KDM7A: variants seen among roughly 807,000 people sequenced by gnomAD.
The protein encoded by KDM7A is lysine-specific demethylase 7A.
Under a neutral mutation model 114.8 loss-of-function variants are expected in KDM7A, and 28 were observed. The observed-to-expected ratio is 0.24, with a 90% CI of 0.18 to 0.33. KDM7A has a LOEUF of 0.33. Among genes scored for constraint, KDM7A ranks in the 10% least tolerant of loss-of-function variants. The probability of loss-of-function intolerance (pLI) is 1.00; values close to 1 mark genes in which losing one functional copy is unlikely to be tolerated. For missense variants in KDM7A, 942 were observed against 1,142.5 expected, an observed-to-expected ratio of 0.82 and a Z score of 2.53; for synonymous variants, 423 against 397.8, an observed-to-expected ratio of 1.06 and a Z score of -0.75.
At position 140,176,548 on chromosome 7, in the gene KDM7A, T is replaced by C. The variant is rs1794711267; in HGVS notation, c.194+196A>G. The stretch of plus-strand genomic sequence containing the variant: ...GCCCGGGCCAGGCGAGCCCACCGGC[T>C]CCCCTCTGGAGCCCGCCCGGCGAAC... On this transcript the variant is annotated intron_variant, in intron 1 of 19. Transcript: ENST00000397560. The surrounding 1 kb of genome is among the most constrained non-coding windows in gnomAD (Gnocchi z 4.4). Among the ~76,000 whole-genome samples, 1 of 146,042 alleles carries C rather than the reference T, an allele frequency of 6.8e-6. No homozygotes were observed. Among genetic ancestry groups the C allele is most frequent in the African/African-American group, 2.5e-5 (1 of 40,566 alleles).
chr7:140,136,496 TTG>T (rs1468649245), intron 2 of KDM7A, among the ~76,000 whole-genome samples: 2 of 152,162 alleles, frequency 1.3e-5, no homozygotes, highest in Non-Finnish European at 2.9e-5. Context: ...GGAGAAAATT[TTG>T]TGTTTGGATT....
In KDM7A at chr7:140,100,687, T is replaced by TATATATATATATATACAC. The variant is rs1562945948; in HGVS notation, c.1639-665_1639-664insGTGTATATATATATATAT. Among the ~76,000 whole-genome samples the TATATATATATATATACAC allele has an allele frequency of 1.5e-4, 6 of 40,918 alleles. 1 individual carries two copies. The highest frequency in any genetic ancestry group is 2.2e-4 in the Non-Finnish European group (5 of 23,252). 26.8% of individuals were successfully genotyped at this position (40,918 alleles called of 152,430 possible). A position where few individuals can be genotyped will look rare whatever the true frequency, so the allele number is the denominator to read the frequency against. On this transcript the variant is annotated intron_variant, in intron 12 of 19. Coordinates refer to ENST00000397560, the MANE Select transcript of KDM7A (RefSeq NM_030647.2). ...ATATATATATATATATATACATATA[T>TATATATATATATATACAC]ACATATATATATATATATATACACA...
intron 16 of KDM7A, 34 bp from the exon 17 acceptor site, chr7:140,096,797 T>C (rs1431453620): frequency 6.3e-7 from 1 of 1,597,228 alleles, no homozygotes; most frequent in Non-Finnish European, 8.6e-7. Context: ...CACAAGAGTC[T>C]ATTTTTTCTG....
rs1453234867 is a variant in KDM7A at position 140,087,270 on chromosome 7, C to G, written c.*3824G>C. ...CTGAATCTGTGGGGATGGTACTTTC[C>G]TAATTCTTCAAGAAAAACCTAAAGC... On this transcript the variant is annotated 3_prime_UTR_variant, in exon 20 of 20. Coordinates refer to ENST00000397560, the MANE Select transcript of KDM7A (RefSeq NM_030647.2). 1 of 152,138 alleles carries G rather than the reference C, an allele frequency of 6.6e-6. No homozygotes were observed. The highest frequency in any genetic ancestry group is 1.5e-5 in the Non-Finnish European group (1 of 68,022). The allele number at this position is 152,138 out of a possible 1,614,324, so 9.4% of individuals were successfully genotyped here.
chr7:140,092,148 T>C (rs1431236405), intron 18 of KDM7A, 71 bp from the exon 19 acceptor site: 16 of 1,425,256 alleles, frequency 1.1e-5, no homozygotes, highest in Non-Finnish European at 1.6e-5. Flanking sequence ...CTCTATGCAT[T>C]GGCAAAGTCA....
At position 140,176,134 on chromosome 7, in the gene KDM7A, C is replaced by T. The variant is rs1794703423; in HGVS notation, c.194+610G>A. Among the ~76,000 whole-genome samples, 1 of 151,908 alleles carries T rather than the reference C, an allele frequency of 6.6e-6. No individual in the cohort carries two copies. The highest frequency in any genetic ancestry group is 2.1e-4 in the South Asian group (1 of 4,832). ...GTTTACTCCGCGGAGCCCCGCCGAG[C>T]TGGCTGGCGCGGTCGCCTCTCCGGC... On this transcript the variant is annotated intron_variant, in intron 1 of 19. Transcript: ENST00000397560. The surrounding 1 kb of genome is among the most constrained non-coding windows in gnomAD (Gnocchi z 4.4).
chr7:140,161,676 C>G (rs1794520941), intron 1 of KDM7A, among the ~76,000 whole-genome samples: 1 of 151,964 alleles, frequency 6.6e-6, no homozygotes, highest in African/African-American at 2.4e-5. Flanking sequence ...TCCCGAGCAG[C>G]TGGGGCTACA....
At chr7:140,115,112 C>T (rs916493315) in intron 9 of KDM7A, among the ~76,000 whole-genome samples, 8 of 151,928 alleles carry the variant, frequency 5.3e-5, no homozygotes, top group East Asian at 3.9e-4. Context: ...CCAGCCACCC[C>T]GTCTGGGAGG....
chr7:140,110,308 AAATC>A (rs1323038125), intron 11 of KDM7A, among the ~76,000 whole-genome samples: 1 of 152,228 alleles, frequency 6.6e-6, no homozygotes, highest in East Asian at 1.9e-4. Context: ...TTTTGATACT[AAATC>A]AATTTAAATG....
chr7:140,134,820 T>C (rs1818841574), intron 2 of KDM7A, among the ~76,000 whole-genome samples: 1 of 152,134 alleles, frequency 6.6e-6, no homozygotes, highest in Admixed American at 6.5e-5. Flanking sequence ...CAATATGTTT[T>C]GGGGAAAACA....
In KDM7A at chr7:140,164,010, C is replaced by T. The variant is rs185418261; in HGVS notation, c.194+12734G>A. Among the ~76,000 whole-genome samples the T allele has an allele frequency of 1.2e-3, 188 of 152,262 alleles. 2 individuals are homozygous for T. The highest frequency in any genetic ancestry group is 2.0e-3 in the Non-Finnish European group (133 of 68,022). ...GGATATTGGCATTGATCAATGGCAG[C>T]CAGCATGACAAAAAGAGAAACAACC... On this transcript the variant is annotated intron_variant, in intron 1 of 19. Coordinates refer to ENST00000397560, the MANE Select transcript of KDM7A (RefSeq NM_030647.2).
At chr7:140,174,355 C>T (rs1244942526) in intron 1 of KDM7A, among the ~76,000 whole-genome samples, 1 of 152,100 alleles carries the variant, frequency 6.6e-6, no homozygotes, top group Non-Finnish European at 1.5e-5. Flanking sequence ...TATAAAGTTA[C>T]ACAAATTTAT....
intron 9 of KDM7A, 36 bp from the exon 10 acceptor site, chr7:140,113,618 G>C (rs1342131340): frequency 2.6e-6 from 3 of 1,136,862 alleles, no homozygotes; most frequent in Non-Finnish European, 3.9e-6. Context: ...AAAAAAAATA[G>C]TTAAAATGTT....
At chr7:140,159,094 C>T (rs994457005) in intron 1 of KDM7A, among the ~76,000 whole-genome samples, 3 of 152,088 alleles carry the variant, frequency 2.0e-5, no homozygotes, top group Non-Finnish European at 4.4e-5. Context: ...ACCTGTAATC[C>T]CACACTTGGG....
At position 140,126,805 on chromosome 7, in the gene KDM7A, C is replaced by T; in HGVS notation, c.720G>A (p.Glu240=). Reference sequence around the variant, plus strand: ...AAAGTTTTTTGGCTATATCAGGGACCTCCACCAATTCAGACATCCTTTCAA... The same window carrying T: ...AAAGTTTTTTGGCTATATCAGGGACTTCCACCAATTCAGACATCCTTTCAA... ...FSDTKMSELV[E]VPDIAKKLSW... The change falls in exon 6 of 20, where the codon GAG becomes GAA. Residue 240 remains glutamate, a synonymous_variant. Coordinates refer to ENST00000397560, the MANE Select transcript of KDM7A (RefSeq NM_030647.2). The T allele has an allele frequency of 6.2e-7, 1 of 1,612,990 alleles. No homozygotes were observed. The highest frequency in any genetic ancestry group is 8.5e-7 in the Non-Finnish European group (1 of 1,179,398).
At chr7:140,131,785 T>C (rs13222813) in intron 3 of KDM7A, among the ~76,000 whole-genome samples, 42,391 of 152,130 alleles carry the variant, frequency 0.28, 6,138 homozygotes, top group Middle Eastern at 0.31. Flanking sequence ...ACATACATAA[T>C]GACAAGTGTT....
At chr7:140,106,881 T>C (rs956928119) in intron 11 of KDM7A, among the ~76,000 whole-genome samples, 18 of 152,180 alleles carry the variant, frequency 1.2e-4, no homozygotes, top group Non-Finnish European at 2.1e-4. Context: ...ATGTTGACAG[T>C]GGGGTGTTGA....
intron 18 of KDM7A, among the ~76,000 whole-genome samples, chr7:140,093,784 T>A (rs947327456): frequency 2.6e-5 from 4 of 152,246 alleles, no homozygotes; most frequent in African/African-American, 9.6e-5. Flanking sequence ...TCTAACCAGA[T>A]ATAACCTACA....
At chr7:140,160,482 C>T (rs977939706) in intron 1 of KDM7A, among the ~76,000 whole-genome samples, 1 of 152,180 alleles carries the variant, frequency 6.6e-6, no homozygotes, top group Non-Finnish European at 1.5e-5. Flanking sequence ...ACTCTGCAGA[C>T]CTGCAAGAGA....
Sources: gnomAD v4.1 joint callset for allele counts (sites outside exome capture counted in the v4.1 genomes callset) on GRCh38, gnomAD v4.1.1 for gene constraint, Gnocchi (gnomAD v3.1) non-coding constraint, MANE v1.5 for transcripts, NCBI Gene and HGNC (gene_info 2026-07-23, HGNC 2026-07-21) for gene names.